The following EGF variants were observed in gnomAD, a reference collection of about 807,000 sequenced individuals.
EGF encodes the protein pro-epidermal growth factor.
EGF carries 95 observed loss-of-function variants against 143.8 expected under a neutral mutation model. The ratio of observed to expected loss-of-function variants is 0.66; its 90% CI spans 0.56 to 0.78. EGF has a LOEUF of 0.78. EGF is among the 30% of genes least tolerant of loss of function. The probability of loss-of-function intolerance (pLI) is 0.00; values close to 1 mark genes in which losing one functional copy is unlikely to be tolerated. For missense variants in EGF, 1,320 were observed against 1,470.9 expected (o/e 0.90, Z 1.68); for synonymous variants, 510 against 510.5 (o/e 1.00, Z 0.01).
intron 20 of EGF, among the ~76,000 whole-genome samples, chr4:109,998,522 G>A (rs1752129985): frequency 6.6e-6 from 1 of 152,176 alleles, no homozygotes. Context: ...CCATAATACA[G>A]GAATATGCCA....
At chr4:109,991,347 A>G (rs369095526) in intron 18 of EGF, among the ~76,000 whole-genome samples, 4 of 152,180 alleles carry the variant, frequency 2.6e-5, no homozygotes, top group South Asian at 4.1e-4. Flanking sequence ...CAGGTACTCA[A>G]TACTCTCAAA....
chr4:109,929,131 G>T (rs1739252758), intron 1 of EGF, among the ~76,000 whole-genome samples: 1 of 152,092 alleles, frequency 6.6e-6, no homozygotes, highest in South Asian at 2.1e-4. Flanking sequence ...TTCCTGGTGT[G>T]GGTTCCTTGA....
rs6824594 is a variant in EGF at position 109,983,292 on chromosome 4, C to T, written c.2372-130C>T. On this transcript the variant is annotated intron_variant, in intron 15 of 23. Coordinates refer to ENST00000265171, the MANE Select transcript of EGF (RefSeq NM_001963.6). ...TAAGTTACCAAGACCCTGACAGTTT[C>T]TCTGAATCCTCTTACTGTAAGAATG... is the stretch of plus-strand genomic sequence containing the variant. 475,518 of 1,087,190 alleles carry T rather than the reference C, an allele frequency of 0.44. 111,869 individuals carry two copies. The highest frequency in any genetic ancestry group is 0.82 in the African/African-American group (52,223 of 63,974). The allele number at this position is 1,087,190 out of a possible 1,614,324, so 67.3% of individuals were successfully genotyped here. A position where few individuals can be genotyped will look rare whatever the true frequency, so the allele number is the denominator to read the frequency against.
chr4:109,949,088 A>G (rs1337090081), intron 5 of EGF, among the ~76,000 whole-genome samples: 3 of 151,760 alleles, frequency 2.0e-5, no homozygotes, highest in East Asian at 1.9e-4. Flanking sequence ...TTTTTTTGAG[A>G]TGGAGTCTCG....
intron 18 of EGF, among the ~76,000 whole-genome samples, chr4:109,989,812 A>G (rs954861816): frequency 1.3e-5 from 2 of 152,136 alleles, no homozygotes; most frequent in African/African-American, 2.4e-5. Context: ...TCCTTCCAGT[A>G]TCGAGCACGC....
intron 1 of EGF, among the ~76,000 whole-genome samples, chr4:109,918,487 TC>T (rs1737109439): frequency 6.6e-6 from 1 of 152,096 alleles, no homozygotes; most frequent in Non-Finnish European, 1.5e-5. Context: ...TGCACCTCTA[TC>T]ATATGTTCCA....
At chr4:109,943,111 A>C in intron 2 of EGF, 143 bp from the exon 3 acceptor site, 1 of 571,376 alleles carries the variant, frequency 1.8e-6, no homozygotes, top group Non-Finnish European at 3.0e-6. Context: ...CGTATCTGTG[A>C]CTATTTTATT....
At chr4:109,935,169 G>A (rs186353388) in intron 1 of EGF, among the ~76,000 whole-genome samples, 6 of 152,204 alleles carry the variant, frequency 3.9e-5, no homozygotes, top group East Asian at 1.9e-4. Context: ...CCATTTTCAC[G>A]ATATTGATTC....
At chr4:109,935,045 G>T (rs1271505860) in intron 1 of EGF, among the ~76,000 whole-genome samples, 1 of 152,116 alleles carries the variant, frequency 6.6e-6, no homozygotes, top group Non-Finnish European at 1.5e-5. Flanking sequence ...GGGTATAGGG[G>T]CTCTTTTTTG....
chr4:109,948,178 G>C (rs914498051), intron 5 of EGF, among the ~76,000 whole-genome samples: 2 of 152,236 alleles, frequency 1.3e-5, no homozygotes, highest in Non-Finnish European at 2.9e-5. Context: ...GCCAGCTGCA[G>C]AGCCACAGAC....
chr4:109,922,466 C>G (rs1404745686), intron 1 of EGF, among the ~76,000 whole-genome samples: 1 of 151,708 alleles, frequency 6.6e-6, no homozygotes, highest in Non-Finnish European at 1.5e-5. Context: ...TAGCGCATGA[C>G]ATCCTCTTTA....
intron 1 of EGF, among the ~76,000 whole-genome samples, chr4:109,920,894 G>C (rs1156736965): frequency 6.6e-6 from 1 of 151,580 alleles, no homozygotes; most frequent in Non-Finnish European, 1.5e-5. Context: ...ACTTTGTAGA[G>C]ATTCTTTATT....
At position 109,974,748 on chromosome 4, in the gene EGF, A is replaced by G; in HGVS notation, c.1770A>G (p.Lys590=). 15 of 1,613,684 alleles carry G rather than the reference A, an allele frequency of 9.3e-6. No homozygotes were observed. Among genetic ancestry groups the G allele is most frequent in the Non-Finnish European group, 1.2e-5 (14 of 1,179,672 alleles). ...GRSDLNGKRS[K]IITKENISQP... ...GTGATTTAAATGGGAAACGTTCCAA[A>G]ATAATCACTAAGGAGAACATCTCTC... The change falls in exon 12 of 24, where the codon AAA becomes AAG. Residue 590 remains lysine (K), a synonymous_variant. Transcript: ENST00000265171.
chr4:109,964,449 T>C lies in EGF; in HGVS notation c.1487T>C (p.Met496Thr), dbSNP rs144851583. Residue 496 changes from methionine to threonine, a missense_variant, in exon 10 of 24, where the codon ATG becomes ACG. By Grantham distance (81) the Met-to-Thr change is moderately conservative. Transcript: ENST00000265171. Reference protein sequence around the residue: ...LFANSQDIRHMHFDGTDYGTL... With the variant: ...LFANSQDIRHTHFDGTDYGTL... ...GCCAATTCTCAAGATATTCGACACATGCATTTTGATGGAACAGACTATGGA... is the reference window on the plus strand; with the variant it reads ...GCCAATTCTCAAGATATTCGACACACGCATTTTGATGGAACAGACTATGGA... The C allele has an allele frequency of 1.4e-5, 22 of 1,613,874 alleles. No homozygotes were observed. Among genetic ancestry groups the C allele is most frequent in the African/African-American group, 2.7e-5 (2 of 74,916 alleles).
At chr4:109,932,520 A>G (rs1739962308) in intron 1 of EGF, among the ~76,000 whole-genome samples, 1 of 150,690 alleles carries the variant, frequency 6.6e-6, no homozygotes, top group South Asian at 2.1e-4. Flanking sequence ...CTGGGACTAC[A>G]GGCGCTCGCC....
At chr4:109,992,937 G>GGGCCTGTTGT (rs1340944563) in intron 18 of EGF, among the ~76,000 whole-genome samples, 1 of 136,926 alleles carries the variant, frequency 7.3e-6, no homozygotes, top group Non-Finnish European at 1.5e-5. Context: ...TCACACACAG[G>GGGCCTGTTGT]GGCCTGTTGT....
intron 13 of EGF, 40 bp from the exon 14 acceptor site, chr4:109,979,932 G>A: frequency 6.2e-7 from 1 of 1,611,724 alleles, no homozygotes; most frequent in Non-Finnish European, 8.5e-7. Context: ...TCATTGCAAA[G>A]ACAAAGAAGG....
Position 109,974,724 on chromosome 4 carries a change from T to G in EGF, c.1746T>G (p.Ser582Arg), listed in dbSNP as rs1409336048. Residue 582 changes from serine (S) to arginine (R), a missense_variant, in exon 12 of 24, where the codon AGT becomes AGG. Transcript: ENST00000265171. ...TTAGGAAATCTCTGATTGGAAGGAG[T>G]GATTTAAATGGGAAACGTTCCAAAA... ...TDRGKSLIGRSDLNGKRSKII... is the reference protein window; with the variant it reads ...TDRGKSLIGRRDLNGKRSKII... The G allele has an allele frequency of 1.2e-6, 2 of 1,613,232 alleles. No homozygotes were observed. Among genetic ancestry groups the G allele is most frequent in the South Asian group, 2.2e-5 (2 of 91,062 alleles).
rs1038066893 is a variant in EGF, at chr4:109,964,316, G to T, written c.1439-85G>T. 1.3e-5 allele frequency: 20 copies of T among 1,580,098 alleles called. No individual in the cohort carries two copies. In the African/African-American group the frequency reaches 2.0e-4, roughly 16 times the overall value. On this transcript the variant is annotated intron_variant, in intron 9 of 23. Transcript: ENST00000265171. ...AGTACTGTAGAAATTGGGTAAAAAGGTACAGTGAAAGGGAAGAGTCAGAGA... is the reference window on the plus strand; with the variant it reads ...AGTACTGTAGAAATTGGGTAAAAAGTTACAGTGAAAGGGAAGAGTCAGAGA...
Sources: gnomAD v4.1 joint callset for allele counts (sites outside exome capture counted in the v4.1 genomes callset) on GRCh38, gnomAD v4.1.1 for gene constraint, MANE v1.5 for transcripts, NCBI Gene and HGNC (gene_info 2026-07-23, HGNC 2026-07-21) for gene names.